Variants in RUNX2 observed in about 807,000 individuals in gnomAD.
RUNX2 encodes the protein RUNX family transcription factor 2.
RUNX2 carries 10 observed loss-of-function variants against 51.7 expected under a neutral mutation model. The ratio of observed to expected loss-of-function variants is 0.19; its 90% CI spans 0.12 to 0.33. RUNX2 has a LOEUF of 0.33. Among genes scored for constraint, RUNX2 ranks in the 10% least tolerant of loss-of-function variants. The pLI is 1.00. For missense variants in RUNX2, 562 were observed against 691.3 expected (o/e 0.81, Z 2.10); for synonymous variants, 276 against 273.6 (o/e 1.01, Z -0.09).
At chr6:45,353,571 A>T (rs1453957512) in intron 2 of RUNX2, among the ~76,000 whole-genome samples, 2 of 152,124 alleles carry the variant, frequency 1.3e-5, no homozygotes, top group Non-Finnish European at 2.9e-5. Context: ...CTGGCAAATC[A>T]ATTTGAAGAA....
chr6:45,404,465 C>T (rs1797791212), intron 2 of RUNX2, among the ~76,000 whole-genome samples: 1 of 152,158 alleles, frequency 6.6e-6, no homozygotes, highest in African/African-American at 2.4e-5. Flanking sequence ...TTCTTCTCCT[C>T]CCCATTTATT....
At chr6:45,452,147 C>T (rs1482930288) in intron 5 of RUNX2, among the ~76,000 whole-genome samples, 1 of 152,154 alleles carries the variant, frequency 6.6e-6, no homozygotes, top group Non-Finnish European at 1.5e-5. Flanking sequence ...AGGTAGGGGG[C>T]TTTATGAAAT....
At chr6:45,421,454 A>G (rs530834446) in intron 2 of RUNX2, 4 of 152,292 alleles carry the variant, frequency 2.6e-5, no homozygotes, top group Non-Finnish European at 5.9e-5. Flanking sequence ...CAAACCCTGC[A>G]AAATCTTTTT....
intron 2 of RUNX2, among the ~76,000 whole-genome samples, chr6:45,395,217 C>G (rs1245054126): frequency 6.6e-6 from 1 of 152,130 alleles, no homozygotes; most frequent in African/African-American, 2.4e-5. Flanking sequence ...TCAGTTTGTT[C>G]AGCTTTTTTT....
At chr6:45,349,588 T>C (rs1159510245) in intron 2 of RUNX2, among the ~76,000 whole-genome samples, 4 of 152,206 alleles carry the variant, frequency 2.6e-5, no homozygotes, top group African/African-American at 9.7e-5. Flanking sequence ...GGCTCTCAGG[T>C]GATTCTAATG....
Position 45,475,933 on chromosome 6 carries a change from T to C in RUNX2, c.686-16008T>C, listed in dbSNP as rs1799943231. Among the ~76,000 whole-genome samples, 5 of 152,260 alleles carry C rather than the reference T, an allele frequency of 3.3e-5. 1 individual carries two copies. The South Asian group carries it at 1.0e-3, about 32-fold the overall frequency. ...TTTCAAGGGACATTCTAAATTGTTC[T>C]AGATTTTAGCAACCTCTGGTGTTCT... is the stretch of plus-strand genomic sequence containing the variant. On this transcript the variant is annotated intron_variant, in intron 5 of 8. Coordinates refer to ENST00000647337, the MANE Select transcript of RUNX2 (RefSeq NM_001024630.4).
intron 7 of RUNX2, among the ~76,000 whole-genome samples, chr6:45,523,302 A>G (rs7760160): frequency 0.36 from 54,904 of 151,796 alleles, 11,519 homozygotes; most frequent in African/African-American, 0.59. Flanking sequence ...GTTTTCTCTT[A>G]TTGCCCAGGC....
rs1256708103 is a variant in RUNX2, at chr6:45,547,279, G to A, written c.1540G>A (p.Asp514Asn). The change falls in exon 9 of 9, where the codon GAT (aspartate) becomes AAT (asparagine). Residue 514 changes from aspartate (D) to asparagine (N), a missense_variant. By Grantham distance (23) the Asp-to-Asn change is conservative (BLOSUM62 1). This residue lies in a region of RUNX2 where 304 missense variants were observed against 353.2 expected (regional missense o/e 0.86). Coordinates refer to ENST00000647337, the MANE Select transcript of RUNX2 (RefSeq NM_001024630.4). Reference protein sequence around the residue: ...PTVLNSSGRMDESVWRPY With the variant: ...PTVLNSSGRMNESVWRPY Reference sequence around the variant, plus strand: ...TGTTTTGAATTCTAGTGGCAGAATGGATGAATCTGTTTGGCGACCATATTG... The same window carrying A: ...TGTTTTGAATTCTAGTGGCAGAATGAATGAATCTGTTTGGCGACCATATTG... The A allele has an allele frequency of 6.2e-7, 1 of 1,614,168 alleles. No homozygotes were observed.
intron 2 of RUNX2, among the ~76,000 whole-genome samples, chr6:45,402,237 T>C (rs1797728106): frequency 6.6e-6 from 1 of 152,242 alleles, no homozygotes; most frequent in African/African-American, 2.4e-5. Context: ...AAATGGGAAT[T>C]TTAAAACAAT....
At chr6:45,451,959 G>A (rs1799186468) in intron 5 of RUNX2, among the ~76,000 whole-genome samples, 2 of 152,142 alleles carry the variant, frequency 1.3e-5, no homozygotes, top group South Asian at 4.1e-4. Flanking sequence ...TGACTCTGTG[G>A]CCATTAGAAT....
At chr6:45,372,045 C>T in intron 2 of RUNX2, 1 of 965,962 alleles carries the variant, frequency 1.0e-6, no homozygotes, top group Non-Finnish European at 1.2e-6. Flanking sequence ...TTTATCATAA[C>T]TAACCCAAAA....
At chr6:45,370,408 T>G (rs1795866410) in intron 2 of RUNX2, among the ~76,000 whole-genome samples, 1 of 151,700 alleles carries the variant, frequency 6.6e-6, no homozygotes, top group African/African-American at 2.4e-5. Flanking sequence ...AACAGTTCAG[T>G]TGGGCCTATG....
intron 2 of RUNX2, among the ~76,000 whole-genome samples, chr6:45,346,737 A>G (rs901507873): frequency 4.6e-5 from 7 of 151,624 alleles, no homozygotes; most frequent in East Asian, 3.9e-4. Context: ...GCTAATTTTT[A>G]TATTTTTTTA....
At chr6:45,396,209 G>C (rs1259039173) in intron 2 of RUNX2, among the ~76,000 whole-genome samples, 2 of 151,830 alleles carry the variant, frequency 1.3e-5, no homozygotes, top group Non-Finnish European at 2.9e-5. Context: ...TTACATAAAA[G>C]CCTGAGAATT....
At chr6:45,388,922 C>G (rs1797415625) in intron 2 of RUNX2, among the ~76,000 whole-genome samples, 1 of 152,134 alleles carries the variant, frequency 6.6e-6, no homozygotes, top group African/African-American at 2.4e-5. Flanking sequence ...CAGCGACTCC[C>G]CCTATATAGC....
At chr6:45,395,169 C>T (rs897606319) in intron 2 of RUNX2, among the ~76,000 whole-genome samples, 1 of 152,152 alleles carries the variant, frequency 6.6e-6, no homozygotes, top group Admixed American at 6.5e-5. Flanking sequence ...GTCCTGTGAC[C>T]TCCACTCTCT....
intron 2 of RUNX2, among the ~76,000 whole-genome samples, chr6:45,400,770 T>C (rs1006123486): frequency 7.9e-5 from 12 of 152,212 alleles, no homozygotes; most frequent in African/African-American, 2.4e-4. Flanking sequence ...GTGGTGAGCT[T>C]TACCGAAGGT....
At chr6:45,338,785 G>A (rs1789151555) in intron 2 of RUNX2, among the ~76,000 whole-genome samples, 1 of 152,008 alleles carries the variant, frequency 6.6e-6, no homozygotes, top group African/African-American at 2.4e-5. Context: ...TTTATATGCA[G>A]CCTATTTCTC....
Position 45,405,130 on chromosome 6 carries a change from C to A in RUNX2, c.59-17463C>A, listed in dbSNP as rs1377124399. 3.3e-5 allele frequency among the ~76,000 whole-genome samples: 5 copies of A among 152,178 alleles called. No homozygotes were observed. The East Asian group carries it at 9.6e-4, about 29-fold the overall frequency. Reference sequence around the variant, plus strand: ...GCAATGATTTAATAACTTGTTAATTCTCCATAAAATCTTATTTGCCCATAG... The same window carrying A: ...GCAATGATTTAATAACTTGTTAATTATCCATAAAATCTTATTTGCCCATAG... On this transcript the variant is annotated intron_variant, in intron 2 of 8. Transcript: ENST00000647337.
Sources: allele counts gnomAD v4.1 joint callset (sites outside exome capture counted in the v4.1 genomes callset), GRCh38; gene constraint gnomAD v4.1.1; regional missense constraint gnomAD v4.1.1; transcripts MANE v1.5; gene names NCBI Gene and HGNC (gene_info 2026-07-23, HGNC 2026-07-21).